Variants in DOCK7 observed in about 807,000 individuals in gnomAD.
The protein encoded by DOCK7 is dedicator of cytokinesis protein 7.
Under a neutral mutation model 271.0 loss-of-function variants are expected in DOCK7, and 138 were observed. The observed-to-expected ratio is 0.51, with a 90% CI of 0.44 to 0.59. DOCK7 has a LOEUF of 0.59. DOCK7 is among the 20% of genes least tolerant of loss of function. The pLI, the probability that DOCK7 is intolerant of heterozygous loss-of-function variation, is 0.00. For synonymous variants in DOCK7, 823 were observed against 876.1 expected (o/e 0.94, Z 1.07); for missense variants, 2,066 against 2,592.4 (o/e 0.80, Z 4.41).
chr1:62,507,783 G>A (rs1276869386), intron 35 of DOCK7, among the ~76,000 whole-genome samples, 179 bp downstream of exon 35: 2 of 152,198 alleles, frequency 1.3e-5, no homozygotes, highest in Non-Finnish European at 2.9e-5. Flanking sequence ...CCTCCATGAA[G>A]AAACAGTTGA....
chr1:62,583,343 A>G, intron 15 of DOCK7, 89 bp from the exon 16 acceptor site: 1 of 1,269,854 alleles, frequency 7.9e-7, no homozygotes, highest in Non-Finnish European at 1.1e-6. Flanking sequence ...TTTAATAACT[A>G]TTTGAGAAAA....
intron 48 of DOCK7, among the ~76,000 whole-genome samples, chr1:62,465,985 A>T (rs962288541): frequency 6.6e-6 from 1 of 152,230 alleles, no homozygotes; most frequent in Non-Finnish European, 1.5e-5. Flanking sequence ...GGGAAGGTAA[A>T]GGATCTAAAG....
rs144949335 is a variant in DOCK7, at chr1:62,513,779, T to C, written c.4056A>G (p.Ser1352=). The C allele has an allele frequency of 1.3e-4, 203 of 1,614,184 alleles. No individual in the cohort carries two copies. The Middle Eastern group carries it at 3.3e-3, about 26-fold the overall frequency. The part of the protein sequence containing the change: ...TVLQKWFTDL[S]VLQLNRLLDL... ...CTAATAGCCGGTTTAGCTGCAAGAC[T>C]GAGAGATCTGTAAACCACTTCTGTA... The change falls in exon 32 of 50, where the codon TCA becomes TCG. Residue 1352 remains serine, a synonymous_variant. Coordinates refer to ENST00000635253, the MANE Select transcript of DOCK7 (RefSeq NM_001367561.1).
chr1:62,539,505 TAA>T, intron 27 of DOCK7, 38 bp downstream of exon 27: 1 of 1,485,140 alleles, frequency 6.7e-7, no homozygotes, highest in Non-Finnish European at 9.2e-7. Flanking sequence ...ACATAGTATT[TAA>T]ATTATTTGAT....
At chr1:62,552,179 C>G (rs926516410) in intron 22 of DOCK7, among the ~76,000 whole-genome samples, 1 of 151,198 alleles carries the variant, frequency 6.6e-6, no homozygotes, top group African/African-American at 2.4e-5. Context: ...AATAAAAAAC[C>G]TGAGTTCTTT....
rs149324768 is a variant in DOCK7 at position 62,680,040 on chromosome 1, T to G, written c.38+8187A>C. On this transcript the variant is annotated intron_variant, in intron 1 of 49. Coordinates refer to ENST00000635253, the MANE Select transcript of DOCK7 (RefSeq NM_001367561.1). Reference sequence around the variant, plus strand: ...TTCAGAGAATTGGAAAAAACTACTTTAAAGTTCATGTGGAACCAAAAAAGG... The same window carrying G: ...TTCAGAGAATTGGAAAAAACTACTTGAAAGTTCATGTGGAACCAAAAAAGG... Among the ~76,000 whole-genome samples the G allele has an allele frequency of 5.9e-3, 903 of 152,262 alleles. 7 individuals are homozygous for G. Among genetic ancestry groups the G allele is most frequent in the African/African-American group, 0.021 (852 of 41,534 alleles).
In DOCK7 at chr1:62,636,588, A is replaced by G. The variant is rs770248863; in HGVS notation, c.834T>C (p.Ile278=). 6.2e-7 allele frequency: 1 copy of G among 1,600,142 alleles called. No homozygotes were observed. Among genetic ancestry groups the G allele is most frequent in the Non-Finnish European group, 8.5e-7 (1 of 1,170,888 alleles). The change falls in exon 8 of 50, where the codon ATT becomes ATC. Residue 278 remains isoleucine (I), a synonymous_variant. Transcript: ENST00000635253. The part of the protein sequence containing the change: ...KCLSLKFEIE[I]EPIFASLALY... ...AAGCCAAACTTGCAAAAATGGGTTCAATTTCAATTTCAAACCTTTATGAAG... is the reference window on the plus strand; with the variant it reads ...AAGCCAAACTTGCAAAAATGGGTTCGATTTCAATTTCAAACCTTTATGAAG...
At position 62,576,025 on chromosome 1, in the gene DOCK7, T is replaced by C. The variant is rs567679792; in HGVS notation, c.2112+1237A>G. 5.9e-5 allele frequency among the ~76,000 whole-genome samples: 9 copies of C among 152,126 alleles called. No individual in the cohort carries two copies. The South Asian group carries it at 1.2e-3, about 21-fold the overall frequency. The stretch of plus-strand genomic sequence containing the variant: ...TGTCCCTGGAAAAATGAATGAAAGA[T>C]TGGGAGGAGGGAGAGTCATATTTCT... On this transcript the variant is annotated intron_variant, in intron 18 of 49. Transcript: ENST00000635253.
chr1:62,547,005 T>C (rs1391871077), intron 22 of DOCK7, among the ~76,000 whole-genome samples: 7 of 152,138 alleles, frequency 4.6e-5, no homozygotes, highest in Admixed American at 4.6e-4. Flanking sequence ...CTGTCCTCTT[T>C]TCTCTCATGA....
intron 37 of DOCK7, among the ~76,000 whole-genome samples, chr1:62,501,485 C>T (rs1034039434): frequency 3.9e-5 from 6 of 151,914 alleles, no homozygotes; most frequent in Non-Finnish European, 7.4e-5. Flanking sequence ...CAGATGTAAA[C>T]AGTAAGAAAG....
intron 1 of DOCK7, among the ~76,000 whole-genome samples, chr1:62,668,795 TGAGGTGGGA>T (rs1481035340): frequency 6.6e-6 from 1 of 151,560 alleles, no homozygotes; most frequent in African/African-American, 2.4e-5. Context: ...CTTGGGAGGC[TGAGGTGGGA>T]GGACTAGCTA....
At chr1:62,601,927 C>G (rs764880720) in intron 14 of DOCK7, 5 of 1,213,350 alleles carry the variant, frequency 4.1e-6, no homozygotes, top group Non-Finnish European at 6.1e-6. Flanking sequence ...GTTCAACTTA[C>G]TCATTACGTA....
chr1:62,626,739 A>G (rs2149608508), intron 11 of DOCK7, among the ~76,000 whole-genome samples: 1 of 152,288 alleles, frequency 6.6e-6, no homozygotes, highest in Admixed American at 6.5e-5. Context: ...AAACAAGTAA[A>G]GAGATCGAGT....
At chr1:62,467,787 G>A (rs1300348281) in intron 48 of DOCK7, among the ~76,000 whole-genome samples, 4 of 151,906 alleles carry the variant, frequency 2.6e-5, no homozygotes, top group African/African-American at 9.7e-5. Flanking sequence ...CCAAAACCAG[G>A]AAAGGACATA....
chr1:62,496,296 C>T, intron 38 of DOCK7, 43 bp downstream of exon 38: 1 of 1,588,692 alleles, frequency 6.3e-7, no homozygotes, highest in Admixed American at 1.9e-5. Flanking sequence ...GCCTATTTAA[C>T]AAGCCTATTT....
chr1:62,494,585 G>T, intron 39 of DOCK7, 118 bp from the exon 40 acceptor site: 2 of 702,712 alleles, frequency 2.8e-6, no homozygotes, highest in Middle Eastern at 4.1e-4. Flanking sequence ...AACCTACTTA[G>T]TTTTAAAGTA....
intron 1 of DOCK7, among the ~76,000 whole-genome samples, chr1:62,672,407 T>C (rs1660120374): frequency 6.6e-6 from 1 of 152,086 alleles, no homozygotes; most frequent in African/African-American, 2.4e-5. Flanking sequence ...CCCTATGAAG[T>C]AGGTACTCTA....
At chr1:62,503,682 CT>C (rs1328568569) in intron 37 of DOCK7, among the ~76,000 whole-genome samples, 2 of 152,076 alleles carry the variant, frequency 1.3e-5, no homozygotes, top group African/African-American at 4.8e-5. Flanking sequence ...CTCAAGCAAT[CT>C]TCCTTCCTCG....
In DOCK7 at chr1:62,609,840, C is replaced by CT. The variant is rs559918951; in HGVS notation, c.1682+8865dup. 2.3e-3 allele frequency among the ~76,000 whole-genome samples: 337 copies of CT among 149,340 alleles called. 2 individuals are homozygous for CT. The highest frequency in any genetic ancestry group is 7.4e-3 in the African/African-American group (303 of 40,760). On this transcript the variant is annotated intron_variant, in intron 14 of 49. Coordinates refer to ENST00000635253, the MANE Select transcript of DOCK7 (RefSeq NM_001367561.1). ...GAAATAGAGCTCTTGACTCAGAATT[C>CT]TTTTTTTTTTCGAGATGGAGTCTCG...
Sources: allele counts gnomAD v4.1 joint callset (sites outside exome capture counted in the v4.1 genomes callset), GRCh38; gene constraint gnomAD v4.1.1; transcripts MANE v1.5; gene names NCBI Gene and HGNC (gene_info 2026-07-23, HGNC 2026-07-21).